The following VPS13B variants were observed in gnomAD, a reference collection of about 807,000 sequenced individuals.
VPS13B encodes the protein intermembrane lipid transfer protein VPS13B.
In VPS13B, 285 loss-of-function variants were observed where a neutral mutation model predicts 426.4. The observed-to-expected ratio is 0.67, with a 90% CI of 0.61 to 0.74. The LOEUF (loss-of-function observed/expected upper bound fraction) is 0.74. VPS13B is among the 30% of genes least tolerant of loss of function. VPS13B has a pLI of 0.00. For synonymous variants in VPS13B, 1,676 were observed against 1,676.4 expected, an observed-to-expected ratio of 1.00 and a Z score of 0.01; for missense variants, 4,537 against 4,782.6, an observed-to-expected ratio of 0.95 and a Z score of 1.51.
In VPS13B at chr8:99,096,030, C is replaced by A. The variant is rs139188233; in HGVS notation, c.292-282C>A. On this transcript the variant is annotated intron_variant, in intron 3 of 61. Coordinates refer to ENST00000357162, the MANE Select transcript of VPS13B (RefSeq NM_152564.5). The stretch of plus-strand genomic sequence containing the variant: ...TAAGTCATTTTTTCTTTTGCTAGAG[C>A]CATAAATAAGAATTCTTTGGAGATT... Among the ~76,000 whole-genome samples, 926 of 152,100 alleles carry A rather than the reference C, an allele frequency of 6.1e-3. 13 individuals carry two copies. The highest frequency in any genetic ancestry group is 0.021 in the African/African-American group (881 of 41,498).
intron 19 of VPS13B, among the ~76,000 whole-genome samples, chr8:99,305,211 C>T (rs1215702200): frequency 1.3e-5 from 2 of 152,064 alleles, no homozygotes; most frequent in African/African-American, 2.4e-5. Flanking sequence ...CATATGAATA[C>T]AGTTGGCTCT....
intron 43 of VPS13B, among the ~76,000 whole-genome samples, chr8:99,791,121 A>G (rs1260755110): frequency 6.6e-6 from 1 of 152,178 alleles, no homozygotes; most frequent in African/African-American, 2.4e-5. Flanking sequence ...GGAGGTATAT[A>G]TAAACAGCAA....
intron 25 of VPS13B, among the ~76,000 whole-genome samples, chr8:99,483,668 T>C (rs991023160): frequency 1.3e-5 from 2 of 152,178 alleles, no homozygotes; most frequent in African/African-American, 4.8e-5. Flanking sequence ...AGTGTTCCAT[T>C]AAACAGTTGT....
rs1345326650 is a variant in VPS13B, at chr8:99,823,921, A to G, written c.9273A>G (p.Pro3091=). The G allele has an allele frequency of 2.5e-6, 4 of 1,613,408 alleles. No individual in the cohort carries two copies. Among genetic ancestry groups the G allele is most frequent in the Admixed American group, 1.7e-5 (1 of 59,992 alleles). ...AGACTACAATAATCAATAATACACCATATCAAATATTTTATAAACCACAGC... is the reference window on the plus strand; with the variant it reads ...AGACTACAATAATCAATAATACACCGTATCAAATATTTTATAAACCACAGC... ...EDKTTIINNT[P]YQIFYKPQLS... Residue 3091 remains proline, a synonymous_variant, in exon 51 of 62, where the codon CCA becomes CCG. Transcript: ENST00000357162.
At chr8:99,854,559 ACATT>A (rs1816454183) in intron 56 of VPS13B, among the ~76,000 whole-genome samples, 1 of 152,128 alleles carries the variant, frequency 6.6e-6, no homozygotes, top group African/African-American at 2.4e-5. Flanking sequence ...CACTCAATAA[ACATT>A]CAAGCAGTAG....
intron 30 of VPS13B, among the ~76,000 whole-genome samples, chr8:99,545,514 A>T (rs958883063): frequency 2.0e-5 from 3 of 152,146 alleles, no homozygotes; most frequent in African/African-American, 7.2e-5. Flanking sequence ...TTTTAAAGAG[A>T]CATATACAGC....
At chr8:99,360,117 CTTAT>C (rs1283120364) in intron 19 of VPS13B, among the ~76,000 whole-genome samples, 10 of 129,614 alleles carry the variant, frequency 7.7e-5, no homozygotes, top group South Asian at 7.7e-4. Flanking sequence ...TTTTTTTTTC[CTTAT>C]CTTTCTTTCT....
intron 17 of VPS13B, among the ~76,000 whole-genome samples, chr8:99,213,871 G>A (rs1354971157): frequency 2.7e-5 from 4 of 148,586 alleles, no homozygotes; most frequent in African/African-American, 5.0e-5. Flanking sequence ...ATCCTAGCCC[G>A]TCAGAGGCTA....
intron 39 of VPS13B, among the ~76,000 whole-genome samples, chr8:99,746,561 C>T (rs1810097619): frequency 6.6e-6 from 1 of 152,126 alleles, no homozygotes; most frequent in Non-Finnish European, 1.5e-5. Context: ...CTGTGCTTTG[C>T]TCTTCCCAAA....
intron 16 of VPS13B, among the ~76,000 whole-genome samples, chr8:99,178,420 T>A (rs1812758730): frequency 6.6e-6 from 1 of 151,632 alleles, no homozygotes. Context: ...CATAATCCCC[T>A]TGTATAGCAT....
chr8:99,700,043 AGGC>A (rs1316124342), intron 36 of VPS13B, 111 bp downstream of exon 36: 12 of 1,320,768 alleles, frequency 9.1e-6, no homozygotes, highest in Non-Finnish European at 1.2e-5. Flanking sequence ...AAAGTTGTAA[AGGC>A]CATTAGAGAT....
chr8:99,441,597 T>G (rs1817679055), intron 22 of VPS13B, among the ~76,000 whole-genome samples: 1 of 152,136 alleles, frequency 6.6e-6, no homozygotes, highest in African/African-American at 2.4e-5. Context: ...CTAAGACAAA[T>G]AGACTTTACA....
chr8:99,695,724 GAAAAAAA>G (rs535503546), intron 35 of VPS13B, among the ~76,000 whole-genome samples: 1 of 129,266 alleles, frequency 7.7e-6, no homozygotes, highest in African/African-American at 2.9e-5. Context: ...TCCATACCAA[GAAAAAAA>G]AAAAAAGAAA....
At chr8:99,106,458 AAAAC>A (rs916502382) in intron 5 of VPS13B, among the ~76,000 whole-genome samples, 11 of 144,802 alleles carry the variant, frequency 7.6e-5, no homozygotes, top group East Asian at 4.0e-4. Flanking sequence ...AAAAAAACCC[AAAAC>A]AAACAAACAA....
At position 99,086,679 on chromosome 8, in the gene VPS13B, T is replaced by A. The variant is rs555154457; in HGVS notation, c.292-9633T>A. On this transcript the variant is annotated intron_variant, in intron 3 of 61. Coordinates refer to ENST00000357162, the MANE Select transcript of VPS13B (RefSeq NM_152564.5). ...TGTTTGTTAGTTTTCCTTCTAACAGTCAGGACCCTCAGCTGCAGGTCTGTT... is the reference window on the plus strand; with the variant it reads ...TGTTTGTTAGTTTTCCTTCTAACAGACAGGACCCTCAGCTGCAGGTCTGTT... Among the ~76,000 whole-genome samples the A allele has an allele frequency of 3.9e-5, 6 of 152,332 alleles. No individual in the cohort carries two copies. In the East Asian group the frequency reaches 1.2e-3, roughly 29 times the overall value.
In VPS13B at chr8:99,779,098, T is replaced by G. The variant is rs931339838; in HGVS notation, c.7779+67T>G. The G allele has an allele frequency of 4.3e-6, 6 of 1,389,140 alleles. No individual in the cohort carries two copies. In the African/African-American group the frequency reaches 8.5e-5, roughly 20 times the overall value. The allele number at this position is 1,389,140 out of a possible 1,614,324, so 86.1% of individuals were successfully genotyped here. ...ATCTTTTATTAGGTTCTGTATGCTA[T>G]CACTTCTGATAATAAGTTCAACACA... On this transcript the variant is annotated intron_variant, in intron 42 of 61. Transcript: ENST00000357162.
chr8:99,428,214 G>A (rs989106845), intron 21 of VPS13B, among the ~76,000 whole-genome samples: 2 of 152,144 alleles, frequency 1.3e-5, no homozygotes, highest in Non-Finnish European at 2.9e-5. Flanking sequence ...TACCATTCAG[G>A]ACATAGGCAT....
At chr8:99,520,725 A>C (rs1046681081) in intron 29 of VPS13B, among the ~76,000 whole-genome samples, 174 bp from the exon 30 acceptor site, 1 of 151,998 alleles carries the variant, frequency 6.6e-6, no homozygotes, top group Non-Finnish European at 1.5e-5. Flanking sequence ...TAACAGAGTT[A>C]AGAAAAGCAT....
At chr8:99,758,827 A>G (rs2130580241) in intron 39 of VPS13B, among the ~76,000 whole-genome samples, 1 of 152,172 alleles carries the variant, frequency 6.6e-6, no homozygotes, top group South Asian at 2.1e-4. Flanking sequence ...CTGTTCTTCC[A>G]GAAGTTCTTC....
Sources: allele counts gnomAD v4.1 joint callset (sites outside exome capture counted in the v4.1 genomes callset), GRCh38; gene constraint gnomAD v4.1.1; transcripts MANE v1.5; gene names NCBI Gene and HGNC (gene_info 2026-07-23, HGNC 2026-07-21).